UTRN: variants seen among roughly 807,000 people sequenced by gnomAD.
UTRN encodes the protein dystrophin-related protein 1.
UTRN carries 283 observed loss-of-function variants against 463.9 expected under a neutral mutation model. That is an observed-to-expected ratio of 0.61 (90% CI 0.55 to 0.67). The LOEUF (loss-of-function observed/expected upper bound fraction) is 0.67, where lower values mean the gene tolerates loss of function less well. Ranked by LOEUF, UTRN falls within the 30% of genes least tolerant of loss-of-function variation. The probability of loss-of-function intolerance (pLI) is 0.00; values close to 1 mark genes in which losing one functional copy is unlikely to be tolerated. For missense variants in UTRN, 3,922 were observed against 4,084.3 expected (o/e 0.96, Z 1.08); for synonymous variants, 1,442 against 1,431.5 (o/e 1.01, Z -0.17).
intron 50 of UTRN, among the ~76,000 whole-genome samples, chr6:144,574,695 C>T (rs1801267209): frequency 6.6e-6 from 1 of 152,126 alleles, no homozygotes; most frequent in South Asian, 2.1e-4. Flanking sequence ...ATTCTTACTG[C>T]CTCAGCCTCC....
chr6:144,407,045 C>T (rs1165339255), intron 3 of UTRN, among the ~76,000 whole-genome samples: 1 of 151,850 alleles, frequency 6.6e-6, no homozygotes, highest in Non-Finnish European at 1.5e-5. Context: ...ATGTTGCTTC[C>T]TGAAGGATCT....
intron 2 of UTRN, among the ~76,000 whole-genome samples, chr6:144,352,151 A>G (rs961707259): frequency 2.6e-5 from 4 of 152,254 alleles, no homozygotes; most frequent in African/African-American, 9.6e-5. Flanking sequence ...TTCACTTTCT[A>G]CTGAGGTAAC....
At position 144,488,747 on chromosome 6, in the gene UTRN, G is replaced by T. The variant is rs1457543985; in HGVS notation, c.4047G>T (p.Leu1349Phe). 6 of 1,613,416 alleles carry T rather than the reference G, an allele frequency of 3.7e-6. No homozygotes were observed. In the African/African-American group the frequency reaches 5.3e-5, roughly 14 times the overall value. ...LRETDQMLQV[L>F]QESLGELDKQ... ...AAACTGACCAGATGCTTCAAGTCTTGCAAGAGAGCTTGGGGGAGCTGGACA... is the reference window on the plus strand; with the variant it reads ...AAACTGACCAGATGCTTCAAGTCTTTCAAGAGAGCTTGGGGGAGCTGGACA... The change falls in exon 30 of 75, where the codon TTG becomes TTT. Residue 1349 changes from leucine (L) to phenylalanine (F), a missense_variant. Physicochemically the swap from Leu to Phe is conservative, Grantham distance 22 (BLOSUM62 0). Transcript: ENST00000367545.
chr6:144,849,192 T>C (rs367602770), intron 74 of UTRN, among the ~76,000 whole-genome samples: 5 of 151,996 alleles, frequency 3.3e-5, no homozygotes, highest in African/African-American at 1.2e-4. Flanking sequence ...GAGTGAGGCA[T>C]AGGGTCACAA....
Position 144,793,954 on chromosome 6 carries a change from G to T in UTRN, c.9041G>T (p.Ser3014Ile). The T allele has an allele frequency of 6.2e-7, 1 of 1,614,056 alleles. No individual in the cohort carries two copies. The change falls in exon 63 of 75, where the codon AGT becomes ATT. Residue 3014 changes from serine to isoleucine, a missense_variant. By Grantham distance (142) the Ser-to-Ile change is moderately radical. Transcript: ENST00000367545. ...QLGEVAAFGG[S>I]NIEPSVRSCF... ...GGTGAAGTAGCAGCTTTTGGAGGCA[G>T]TAATATTGAGCCTAGTGTTCGCAGC...
chr6:144,434,694 G>T (rs915181130), intron 9 of UTRN, among the ~76,000 whole-genome samples: 8 of 152,166 alleles, frequency 5.3e-5, no homozygotes, highest in African/African-American at 1.7e-4. Flanking sequence ...ACAGTATACA[G>T]TGGGGAGAAA....
At chr6:144,579,672 G>A (rs79727839) in intron 51 of UTRN, among the ~76,000 whole-genome samples, 3,144 of 152,152 alleles carry the variant, frequency 0.021, 94 homozygotes, top group African/African-American at 0.071. Context: ...GATTACTTAT[G>A]GCAAACAGCA....
At chr6:144,320,736 C>T (rs1775583989) in intron 2 of UTRN, among the ~76,000 whole-genome samples, 1 of 152,206 alleles carries the variant, frequency 6.6e-6, no homozygotes. Flanking sequence ...GCACCACTCA[C>T]TCGATTTTTC....
chr6:144,788,112 G>T (rs1776440546), intron 61 of UTRN, among the ~76,000 whole-genome samples: 1 of 152,072 alleles, frequency 6.6e-6, no homozygotes, highest in African/African-American at 2.4e-5. Flanking sequence ...GTTTCATCTG[G>T]TCGACTTATA....
chr6:144,803,458 A>T (rs1477260062), intron 65 of UTRN, among the ~76,000 whole-genome samples: 1 of 152,036 alleles, frequency 6.6e-6, no homozygotes, highest in Admixed American at 6.6e-5. Flanking sequence ...TTATGCTTTC[A>T]TAGTTAAATA....
rs952913750 is a variant in UTRN at position 144,764,981 on chromosome 6, G to A, written c.8496-6926G>A. ...CCCCAGGGCCAATGCAACAACAAAT[G>A]ACCTACAGGAATTTGGCTGATGGTC... On this transcript the variant is annotated intron_variant, in intron 58 of 74. Transcript: ENST00000367545. Among the ~76,000 whole-genome samples the A allele has an allele frequency of 3.4e-5, 5 of 148,940 alleles. No individual in the cohort carries two copies. The South Asian group carries it at 1.1e-3, about 33-fold the overall frequency.
In UTRN at chr6:144,852,861, C is replaced by T. The variant is rs533375057; in HGVS notation, c.*1864C>T. On this transcript the variant is annotated 3_prime_UTR_variant, in exon 75 of 75. Coordinates refer to ENST00000367545, the MANE Select transcript of UTRN (RefSeq NM_007124.3). ...GCTATTAAAGAAAAGCTACGTAAAA[C>T]ACTACATTGTAACCTTCTAAGTAAT... 3 of 152,704 alleles carry T rather than the reference C, an allele frequency of 2.0e-5. No homozygotes were observed. In the South Asian group the frequency reaches 6.2e-4, roughly 32 times the overall value. The allele number at this position is 152,704 out of a possible 1,614,324, so 9.5% of individuals were successfully genotyped here. A position where few individuals can be genotyped will look rare whatever the true frequency, so the allele number is the denominator to read the frequency against.
At chr6:144,559,252 GTTTC>G (rs1233943462) in intron 50 of UTRN, among the ~76,000 whole-genome samples, 1 of 152,010 alleles carries the variant, frequency 6.6e-6, no homozygotes, top group African/African-American at 2.4e-5. Context: ...CAATGTTCCA[GTTTC>G]TTTGTAGTTA....
At chr6:144,548,573 C>G (rs1159840419) in intron 46 of UTRN, 67 bp from the exon 47 acceptor site, 1 of 1,458,898 alleles carries the variant, frequency 6.9e-7, no homozygotes, top group Non-Finnish European at 9.4e-7. Context: ...ACACGTGTCA[C>G]CATGACACCA....
At position 144,463,005 on chromosome 6, in the gene UTRN, T is replaced by A. The variant is rs1038195997; in HGVS notation, c.3066+139T>A. ...TATTATGTATTTAAGTTGGGACTTA[T>A]CAAAGATGTACTTTTAATGTGCTAG... is the stretch of plus-strand genomic sequence containing the variant. On this transcript the variant is annotated intron_variant, in intron 23 of 74. Transcript: ENST00000367545. 44 of 797,164 alleles carry A rather than the reference T, an allele frequency of 5.5e-5. No homozygotes were observed. In the South Asian group the frequency reaches 7.3e-4, roughly 13 times the overall value. 49.4% of individuals were successfully genotyped at this position (797,164 alleles called of 1,614,324 possible). A position where few individuals can be genotyped will look rare whatever the true frequency, so the allele number is the denominator to read the frequency against.
chr6:144,665,040 A>G lies in UTRN; in HGVS notation c.7480-13366A>G, dbSNP rs144584301. The stretch of plus-strand genomic sequence containing the variant: ...TGATTAACTTTGTTTAGTTAGGCTG[A>G]GCTTTGGGACATGATAGCGAAATTG... On this transcript the variant is annotated intron_variant, in intron 51 of 74. Coordinates refer to ENST00000367545, the MANE Select transcript of UTRN (RefSeq NM_007124.3). Among the ~76,000 whole-genome samples, 18 of 152,252 alleles carry G rather than the reference A, an allele frequency of 1.2e-4. No homozygotes were observed. The East Asian group carries it at 3.5e-3, about 29-fold the overall frequency.
intron 51 of UTRN, among the ~76,000 whole-genome samples, chr6:144,667,733 C>G (rs975546813): frequency 6.6e-6 from 1 of 152,084 alleles, no homozygotes; most frequent in Non-Finnish European, 1.5e-5. Context: ...CGGAACTTCC[C>G]TTTTTCTTTT....
intron 64 of UTRN, 136 bp from the exon 65 acceptor site, chr6:144,802,899 GA>G (rs1438175371): frequency 4.3e-6 from 2 of 464,278 alleles, no homozygotes; most frequent in African/African-American, 4.0e-5. Context: ...TAAACAGATA[GA>G]AGCATGTTTC....
Position 144,729,224 on chromosome 6 carries a change from C to G in UTRN, c.7810-1133C>G, listed in dbSNP as rs185586149. Among the ~76,000 whole-genome samples, 29 of 152,126 alleles carry G rather than the reference C, an allele frequency of 1.9e-4. No individual in the cohort carries two copies. In the East Asian group the frequency reaches 5.4e-3, roughly 28 times the overall value. Reference sequence around the variant, plus strand: ...CCATTAGTCTCTGTCAGCTTCATTACCAGGGTTTTTTTGTGTGTATGTTGC... The same window carrying G: ...CCATTAGTCTCTGTCAGCTTCATTAGCAGGGTTTTTTTGTGTGTATGTTGC... On this transcript the variant is annotated intron_variant, in intron 53 of 74. Coordinates refer to ENST00000367545, the MANE Select transcript of UTRN (RefSeq NM_007124.3).
Sources: gnomAD v4.1 joint callset for allele counts (sites outside exome capture counted in the v4.1 genomes callset) on GRCh38, gnomAD v4.1.1 for gene constraint, MANE v1.5 for transcripts, NCBI Gene and HGNC (gene_info 2026-07-23, HGNC 2026-07-21) for gene names.